The following MUCL1 variants were observed in gnomAD, a reference collection of about 807,000 sequenced individuals.
MUCL1 encodes the protein mucin like 1.
MUCL1 carries 11 observed loss-of-function variants against 9.2 expected under a neutral mutation model. That is an observed-to-expected ratio of 1.19 (90% CI 0.75 to 1.97). The LOEUF (loss-of-function observed/expected upper bound fraction) is 1.97. Among genes scored for constraint, MUCL1 ranks in the 30% most tolerant of loss-of-function variants. The pLI, the probability that MUCL1 is intolerant of heterozygous loss-of-function variation, is 0.00. For synonymous variants in MUCL1, 48 were observed against 40.5 expected (o/e 1.19, Z -0.71); for missense variants, 144 against 110.9 (o/e 1.30, Z -1.34).
At chr12:54,839,656 T>G (rs1419055868) in intron 1 of MUCL1, among the ~76,000 whole-genome samples, 1 of 152,192 alleles carries the variant, frequency 6.6e-6, no homozygotes, top group Non-Finnish European at 1.5e-5. Context: ...GGTACCTCTT[T>G]TCTTCTTCAG....
intron 1 of MUCL1, among the ~76,000 whole-genome samples, chr12:54,834,310 C>T (rs1455389636): frequency 1.3e-5 from 2 of 151,792 alleles, no homozygotes; most frequent in Non-Finnish European, 2.9e-5. Flanking sequence ...CTTGAATTTA[C>T]CTATCAGCAT....
upstream of MUCL1, among the ~76,000 whole-genome samples, chr12:54,853,931 T>C (rs1007618457): frequency 2.6e-5 from 4 of 152,232 alleles, no homozygotes; most frequent in African/African-American, 9.6e-5. Flanking sequence ...ATTTTGAATT[T>C]TTATACAATG....
At chr12:54,855,772 C>T (rs1868294053) in intron 2 of MUCL1, among the ~76,000 whole-genome samples, 1 of 152,216 alleles carries the variant, frequency 6.6e-6, no homozygotes, top group African/African-American at 2.4e-5. Flanking sequence ...GTGTGTTGTG[C>T]CCATGCACAA....
intron 1 of MUCL1, among the ~76,000 whole-genome samples, chr12:54,845,692 T>C (rs565406404): frequency 5.3e-5 from 8 of 152,278 alleles, no homozygotes; most frequent in Middle Eastern, 3.4e-3. Flanking sequence ...CAACTCATGA[T>C]TTGGTTACAT....
chr12:54,836,234 C>T (rs1959192898), upstream of MUCL1, among the ~76,000 whole-genome samples: 1 of 151,974 alleles, frequency 6.6e-6, no homozygotes. Flanking sequence ...GTAGTTGTTG[C>T]TGGCAACTTT....
intron 1 of MUCL1, 58 bp downstream of exon 1, chr12:54,854,698 C>T: frequency 6.8e-7 from 1 of 1,475,446 alleles, no homozygotes; most frequent in Non-Finnish European, 9.4e-7. Context: ...AAAATATCTC[C>T]TCTAAAGATG....
At position 54,832,395 on chromosome 12, in the gene MUCL1, G is replaced by C. The variant is rs144435716; in HGVS notation, n.357+1520G>C. ...AATCTGCCTGGGAAACCAATGTTTTGTGTCTTTTCTGAATAATTTCCTCTG... is the reference window on the plus strand; with the variant it reads ...AATCTGCCTGGGAAACCAATGTTTTCTGTCTTTTCTGAATAATTTCCTCTG... On this transcript the variant is annotated intron_variant and non_coding_transcript_variant, in intron 1 of 3. Coordinates refer to the MUCL1 transcript ENST00000547990. Among the ~76,000 whole-genome samples the C allele has an allele frequency of 2.6e-5, 4 of 152,004 alleles. 1 individual carries two copies. The highest frequency in any genetic ancestry group is 4.8e-5 in the African/African-American group (2 of 41,420).
chr12:54,834,137 A>G (rs570806586), intron 1 of MUCL1, among the ~76,000 whole-genome samples: 1 of 152,216 alleles, frequency 6.6e-6, no homozygotes, highest in South Asian at 2.1e-4. Context: ...TGTTCTATAT[A>G]AGACATATTT....
At chr12:54,842,441 G>A (rs533954524) in intron 1 of MUCL1, among the ~76,000 whole-genome samples, 185 of 152,108 alleles carry the variant, frequency 1.2e-3, no homozygotes, top group Admixed American at 1.9e-3. Flanking sequence ...AATTTATACT[G>A]GGGGATTGCT....
upstream of MUCL1, among the ~76,000 whole-genome samples, chr12:54,837,126 G>C (rs1449756497): frequency 2.0e-5 from 3 of 152,040 alleles, no homozygotes; most frequent in Non-Finnish European, 2.9e-5. Context: ...TAAGTCCAGT[G>C]TTTCTTTGTT....
At chr12:54,857,925 A>G (rs1220053434) in intron 3 of MUCL1, among the ~76,000 whole-genome samples, 2 of 152,144 alleles carry the variant, frequency 1.3e-5, no homozygotes, top group Non-Finnish European at 2.9e-5. Flanking sequence ...TCTGTGCCAT[A>G]TTATAGGAAA....
At chr12:54,836,782 A>G (rs1477077204), upstream of MUCL1, among the ~76,000 whole-genome samples, 6 of 152,172 alleles carry the variant, frequency 3.9e-5, no homozygotes. Flanking sequence ...AACTTGTGCA[A>G]CTATTATCAT....
At chr12:54,841,172 T>C (rs1175063488) in intron 1 of MUCL1, among the ~76,000 whole-genome samples, 2 of 152,160 alleles carry the variant, frequency 1.3e-5, no homozygotes, top group African/African-American at 4.8e-5. Flanking sequence ...GGCTTCCTTC[T>C]TCTTTTAGCC....
chr12:54,839,745 G>A (rs960868184), intron 1 of MUCL1, among the ~76,000 whole-genome samples: 4 of 152,140 alleles, frequency 2.6e-5, no homozygotes, highest in African/African-American at 9.7e-5. Flanking sequence ...TCCTTGTGTG[G>A]GGATGTAGTC....
upstream of MUCL1, among the ~76,000 whole-genome samples, chr12:54,835,941 A>T (rs1021722700): frequency 1.4e-4 from 21 of 152,196 alleles, no homozygotes; most frequent in Non-Finnish European, 2.8e-4. Context: ...CCGCTTGATC[A>T]TGATGAATTA....
chr12:54,858,273 G>A lies in MUCL1; in HGVS notation c.*31G>A, dbSNP rs765136019. ...AATCAGCTTGAGTCTTCTGCAATTGGTCACAACTATTCATGCTTCCTGTGA... is the reference window on the plus strand; with the variant it reads ...AATCAGCTTGAGTCTTCTGCAATTGATCACAACTATTCATGCTTCCTGTGA... On this transcript the variant is annotated 3_prime_UTR_variant, in exon 4 of 4. Coordinates refer to ENST00000308796, the MANE Select transcript of MUCL1 (RefSeq NM_058173.3). 3.0e-5 allele frequency: 48 copies of A among 1,612,408 alleles called. No homozygotes were observed. The Admixed American group carries it at 3.7e-4, about 12-fold the overall frequency.
At chr12:54,853,711 TTC>T (rs1868274641), upstream of MUCL1, among the ~76,000 whole-genome samples, 1 of 152,182 alleles carries the variant, frequency 6.6e-6, no homozygotes, top group Non-Finnish European at 1.5e-5. Flanking sequence ...ACATTGTGTT[TTC>T]TCTTTCTTTA....
chr12:54,834,629 T>A (rs1003215590), upstream of MUCL1, among the ~76,000 whole-genome samples: 2 of 152,108 alleles, frequency 1.3e-5, no homozygotes, highest in South Asian at 2.1e-4. Flanking sequence ...TAAAATCCAC[T>A]CTCTTAGCAA....
At chr12:54,848,976 A>C (rs1361629677) in intron 1 of MUCL1, among the ~76,000 whole-genome samples, 1 of 152,184 alleles carries the variant, frequency 6.6e-6, no homozygotes, top group Non-Finnish European at 1.5e-5. Context: ...ATGATTTGAT[A>C]ATAGCAAAAG....
Sources: allele counts gnomAD v4.1 joint callset (sites outside exome capture counted in the v4.1 genomes callset), GRCh38; gene constraint gnomAD v4.1.1; transcripts MANE v1.5; gene names NCBI Gene and HGNC (gene_info 2026-07-23, HGNC 2026-07-21).